Variants in ERC1 observed in about 807,000 individuals in gnomAD.
ERC1 encodes RAB6 interacting protein 2.
ERC1 carries 56 observed loss-of-function variants against 132.0 expected under a neutral mutation model. The observed-to-expected ratio is 0.42, with a 90% confidence interval of 0.34 to 0.53. The LOEUF (loss-of-function observed/expected upper bound fraction) is 0.53, where lower values mean the gene tolerates loss of function less well. Ranked by LOEUF, ERC1 falls within the 20% of genes least tolerant of loss-of-function variation. ERC1 has a pLI of 0.03. For synonymous variants in ERC1, 478 were observed against 476.1 expected (o/e 1.00, Z -0.05); for missense variants, 1,202 against 1,349.9 (o/e 0.89, Z 1.72).
At chr12:1,177,594 T>G (rs1478737773) in intron 8 of ERC1, among the ~76,000 whole-genome samples, 1 of 152,158 alleles carries the variant, frequency 6.6e-6, no homozygotes, top group Admixed American at 6.5e-5. Context: ...TTTCTTAAGT[T>G]CACCATCTCA....
chr12:1,106,975 G>T (rs1418940033), intron 4 of ERC1, among the ~76,000 whole-genome samples: 1 of 152,156 alleles, frequency 6.6e-6, no homozygotes, highest in Admixed American at 6.5e-5. Flanking sequence ...ATGAGCTTCA[G>T]AGAATTATGA....
chr12:1,160,364 T>C (rs550119447), intron 8 of ERC1, among the ~76,000 whole-genome samples: 33 of 152,328 alleles, frequency 2.2e-4, no homozygotes, highest in African/African-American at 7.7e-4. Context: ...TAAGCTCACT[T>C]TGTTTGCAGG....
chr12:1,444,457 A>T, intron 17 of ERC1, 105 bp from the exon 18 acceptor site: 1 of 767,250 alleles, frequency 1.3e-6, no homozygotes, highest in Non-Finnish European at 2.0e-6. Flanking sequence ...GTCTTTGGTC[A>T]ATTTTCTTTG....
At chr12:1,181,768 A>G (rs926936320) in intron 9 of ERC1, among the ~76,000 whole-genome samples, 157 bp from the exon 10 acceptor site, 1 of 149,434 alleles carries the variant, frequency 6.7e-6, no homozygotes. Flanking sequence ...AGGCAACAAG[A>G]GCGAAACTCT....
chr12:1,264,520 T>C (rs371045278), intron 14 of ERC1, among the ~76,000 whole-genome samples: 2,300 of 150,182 alleles, frequency 0.015, 57 homozygotes, highest in African/African-American at 0.053. Flanking sequence ...AAAAATTAGC[T>C]GGGCGTGGTG....
intron 15 of ERC1, among the ~76,000 whole-genome samples, chr12:1,356,451 T>TTG (rs1167160165): frequency 2.0e-5 from 3 of 151,358 alleles, no homozygotes; most frequent in East Asian, 1.9e-4. Context: ...GTTGCTGTTT[T>TTG]TGTGTGTGTG....
chr12:1,300,893 A>G (rs1008759749), intron 15 of ERC1, among the ~76,000 whole-genome samples: 7 of 152,188 alleles, frequency 4.6e-5, no homozygotes, highest in Admixed American at 3.9e-4. Context: ...TGATGTGGCG[A>G]TTCCTCAAAG....
intron 18 of ERC1, among the ~76,000 whole-genome samples, chr12:1,458,568 C>T (rs1301923702): frequency 2.1e-5 from 3 of 142,148 alleles, no homozygotes; most frequent in Non-Finnish European, 4.5e-5. Context: ...GAGTTTCGCT[C>T]TTGTTGCCCA....
intron 17 of ERC1, among the ~76,000 whole-genome samples, chr12:1,414,519 C>T (rs950742386): frequency 1.3e-5 from 2 of 152,130 alleles, no homozygotes; most frequent in African/African-American, 2.4e-5. Flanking sequence ...CACAAACATT[C>T]GATTGATAGC....
rs529960329 is a variant in ERC1 at position 1,135,360 on chromosome 12, C to T, written c.1570-6260C>T. Reference sequence around the variant, plus strand: ...TTTCAACATTTTAGTGATGTTGTCTCTTTCTCTATGTGTACACTTCTGTAT... The same window carrying T: ...TTTCAACATTTTAGTGATGTTGTCTTTTTCTCTATGTGTACACTTCTGTAT... On this transcript the variant is annotated intron_variant, in intron 7 of 18. Transcript: ENST00000360905. Among the ~76,000 whole-genome samples, 7 of 152,302 alleles carry T rather than the reference C, an allele frequency of 4.6e-5. No individual in the cohort carries two copies. In the East Asian group the frequency reaches 1.4e-3, roughly 29 times the overall value.
At chr12:1,338,387 T>G (rs575597070) in intron 15 of ERC1, among the ~76,000 whole-genome samples, 1 of 152,312 alleles carries the variant, frequency 6.6e-6, no homozygotes, top group East Asian at 1.9e-4. Flanking sequence ...CTCTGTCAGG[T>G]TGATTACATG....
chr12:1,130,785 G>A (rs1052375117), intron 7 of ERC1, among the ~76,000 whole-genome samples: 3 of 151,974 alleles, frequency 2.0e-5, no homozygotes, highest in Admixed American at 6.6e-5. Context: ...GTTTACTTCC[G>A]TGTGGTCTGT....
At chr12:1,314,581 A>G (rs1229815459) in intron 15 of ERC1, among the ~76,000 whole-genome samples, 5 of 152,196 alleles carry the variant, frequency 3.3e-5, no homozygotes, top group Non-Finnish European at 7.3e-5. Context: ...TTTGACAAGC[A>G]CACAATGATT....
chr12:1,457,956 G>A (rs1222325153), intron 18 of ERC1, among the ~76,000 whole-genome samples: 1 of 152,194 alleles, frequency 6.6e-6, no homozygotes, highest in Non-Finnish European at 1.5e-5. Context: ...AATGGTGGCT[G>A]AGGAATCAGC....
intron 13 of ERC1, chr12:1,244,773 C>T: frequency 3.6e-6 from 1 of 278,750 alleles, no homozygotes; most frequent in Middle Eastern, 1.4e-3. Flanking sequence ...CCTGCCTCGG[C>T]CTCTACAAGT....
intron 16 of ERC1, among the ~76,000 whole-genome samples, chr12:1,393,510 G>A (rs1191368278): frequency 2.6e-5 from 4 of 152,122 alleles, no homozygotes; most frequent in Non-Finnish European, 4.4e-5. Context: ...CTCCAGCCTG[G>A]GCGACAGAGG....
intron 16 of ERC1, among the ~76,000 whole-genome samples, chr12:1,375,533 T>G (rs116371618): frequency 3.4e-3 from 513 of 152,252 alleles, no homozygotes; most frequent in African/African-American, 0.012. Context: ...ATCCAAACAT[T>G]ATGTAACTTA....
intron 9 of ERC1, 78 bp downstream of exon 9, chr12:1,180,755 A>G: frequency 6.5e-7 from 1 of 1,548,600 alleles, no homozygotes; most frequent in Non-Finnish European, 8.8e-7. Context: ...AATACAAAAG[A>G]AATCCCTGTG....
intron 14 of ERC1, among the ~76,000 whole-genome samples, chr12:1,272,817 A>G (rs1303437132): frequency 6.6e-6 from 1 of 151,918 alleles, no homozygotes; most frequent in Non-Finnish European, 1.5e-5. Flanking sequence ...GCGCAGTGCT[A>G]GGTGCCCATA....
Sources: gnomAD v4.1 joint callset for allele counts (sites outside exome capture counted in the v4.1 genomes callset) on GRCh38, gnomAD v4.1.1 for gene constraint, MANE v1.5 for transcripts, NCBI Gene and HGNC (gene_info 2026-07-23, HGNC 2026-07-21) for gene names.